ITPR3: variants seen among roughly 807,000 people sequenced by gnomAD.
The protein encoded by ITPR3 is inositol 1,4,5-trisphosphate-gated calcium channel ITPR3.
Under a neutral mutation model 293.2 loss-of-function variants are expected in ITPR3, and 173 were observed. That is an observed-to-expected ratio of 0.59 (90% CI 0.52 to 0.67). The LOEUF is 0.67. Among genes scored for constraint, ITPR3 ranks in the 30% least tolerant of loss-of-function variants. The pLI is 0.00. For missense variants in ITPR3, 2,796 were observed against 3,592.1 expected, an observed-to-expected ratio of 0.78 and a Z score of 5.66; for synonymous variants, 1,295 against 1,444.4, an observed-to-expected ratio of 0.90 and a Z score of 2.35.
Position 33,671,163 on chromosome 6 carries a change from A to G in ITPR3, c.2587-2A>G, listed in dbSNP as rs763357230. On this transcript the variant is annotated splice_acceptor_variant, in intron 20 of 57. Transcript: ENST00000605930. LOFTEE classifies it high-confidence loss of function. ...CTCACCTCGGCCACGCCCCCTTCGCAGGTGGTCAGCCTGGCGCACAATCTC... is the reference window on the plus strand; with the variant it reads ...CTCACCTCGGCCACGCCCCCTTCGCGGGTGGTCAGCCTGGCGCACAATCTC... 7 of 1,612,550 alleles carry G rather than the reference A, an allele frequency of 4.3e-6. No individual in the cohort carries two copies. Among genetic ancestry groups the G allele is most frequent in the South Asian group, 2.2e-5 (2 of 91,020 alleles).
At chr6:33,681,430 C>A (rs987301124) in intron 33 of ITPR3, among the ~76,000 whole-genome samples, 15 of 152,184 alleles carry the variant, frequency 9.9e-5, no homozygotes, top group African/African-American at 3.4e-4. Context: ...AGGCAGCCTT[C>A]TGAAGGCCTA....
Position 33,690,776 on chromosome 6 carries a change from G to A in ITPR3, c.7033-141G>A, listed in dbSNP as rs374579608. 593 of 697,952 alleles carry A rather than the reference G, an allele frequency of 8.5e-4. 1 individual carries two copies. In the African/African-American group the frequency reaches 8.7e-3, roughly 10 times the overall value. 43.2% of individuals were successfully genotyped at this position (697,952 alleles called of 1,614,324 possible). On this transcript the variant is annotated intron_variant, in intron 51 of 57. Transcript: ENST00000605930. ...TGACAGGCCCACCCAGCTTGGATAC[G>A]ACTAAGTGCAGACCTCCCTGGAGGA...
At chr6:33,639,356 T>G (rs1763895211) in intron 1 of ITPR3, among the ~76,000 whole-genome samples, 1 of 140,848 alleles carries the variant, frequency 7.1e-6, no homozygotes, top group African/African-American at 2.7e-5. Flanking sequence ...TCCAGTCTGG[T>G]CGACAGAGTG....
Position 33,684,604 on chromosome 6 carries a change from C to T in ITPR3, c.5053C>T (p.Gln1685Ter), listed in dbSNP as rs1164668870. ...CACTCCCATCCTCCCCCAGGGCAAC[C>T]AGCTGCGCAAGATGCTGCTGCAAAA... ...KKTKYGDRGN[Q>*]LRKMLLQNYL... The change falls in exon 38 of 58, where the codon CAG becomes TAG. Residue 1685 changes from glutamine to a stop codon, truncating the protein, a stop_gained. Transcript: ENST00000605930. LOFTEE classifies it high-confidence loss of function. The surrounding 1 kb of genome is among the most constrained non-coding windows in gnomAD (Gnocchi z 4.2). The T allele has an allele frequency of 6.2e-7, 1 of 1,614,008 alleles. No homozygotes were observed. Among genetic ancestry groups the T allele is most frequent in the Non-Finnish European group, 8.5e-7 (1 of 1,180,020 alleles).
Position 33,667,440 on chromosome 6 carries a change from G to GCTCTGGGTTAGATGC in ITPR3, c.1713+150_1713+151insCTCTGGGTTAGATGC. 5 of 1,064,744 alleles carry GCTCTGGGTTAGATGC rather than the reference G, an allele frequency of 4.7e-6. No homozygotes were observed. The highest frequency in any genetic ancestry group is 6.6e-6 in the Non-Finnish European group (5 of 758,132). 66.0% of individuals were successfully genotyped at this position (1,064,744 alleles called of 1,614,324 possible). On this transcript the variant is annotated intron_variant, in intron 15 of 57. Transcript: ENST00000605930. This position sits in a 1 kb window ranked among gnomAD's most constrained non-coding sequence, Gnocchi z 4.4. ...AGCAGGGCCGGGTTCATGGGAATGG[G>GCTCTGGGTTAGATGC]ACCTGGCCCGGTGCTCACAAGGGCC...
chr6:33,638,293 C>T lies in ITPR3; in HGVS notation c.90-2191C>T, dbSNP rs936495214. 1.7e-4 allele frequency among the ~76,000 whole-genome samples: 26 copies of T among 152,192 alleles called. No homozygotes were observed. Among genetic ancestry groups the T allele is most frequent in the Admixed American group, 1.1e-3 (17 of 15,272 alleles). On this transcript the variant is annotated intron_variant, in intron 1 of 57. Transcript: ENST00000605930. The surrounding 1 kb of genome is among the most constrained non-coding windows in gnomAD (Gnocchi z 4.3). ...TGCAGGGATTACAGGCATGAGCCAC[C>T]GCGTCCATCCACATAGGCATGATTG...
Position 33,658,354 on chromosome 6 carries a change from A to G in ITPR3, c.370-316A>G, listed in dbSNP as rs978337851. Among the ~76,000 whole-genome samples, 2 of 150,278 alleles carry G rather than the reference A, an allele frequency of 1.3e-5. No individual in the cohort carries two copies. Among genetic ancestry groups the G allele is most frequent in the Non-Finnish European group, 2.9e-5 (2 of 68,018 alleles). On this transcript the variant is annotated intron_variant, in intron 4 of 57. Coordinates refer to ENST00000605930, the MANE Select transcript of ITPR3 (RefSeq NM_002224.4). The surrounding 1 kb of genome is among the most constrained non-coding windows in gnomAD (Gnocchi z 6.1). ...CGTCCCCTGGCGCCTTGGTTTCCCC[A>G]TCTGTGAAATCAGGCAGTAATAGTA...
At position 33,693,595 on chromosome 6, in the gene ITPR3, A is replaced by G. The variant is rs1427633664; in HGVS notation, c.7675A>G (p.Ile2559Val). ...DNKTVSFEEHIKLEHNMWNYL... is the reference protein window; with the variant it reads ...DNKTVSFEEHVKLEHNMWNYL... ...CAAGACAGTGTCATTTGAGGAACACATCAAGCTGGAGCACAACATGTGGAA... is the reference window on the plus strand; with the variant it reads ...CAAGACAGTGTCATTTGAGGAACACGTCAAGCTGGAGCACAACATGTGGAA... The change falls in exon 56 of 58, where the codon ATC (isoleucine) becomes GTC (valine). Residue 2559 changes from isoleucine (I) to valine (V), a missense_variant. By Grantham distance (29) the Ile-to-Val change is conservative. Coordinates refer to ENST00000605930, the MANE Select transcript of ITPR3 (RefSeq NM_002224.4). The G allele has an allele frequency of 2.5e-6, 4 of 1,614,086 alleles. No individual in the cohort carries two copies. Among genetic ancestry groups the G allele is most frequent in the Non-Finnish European group, 3.4e-6 (4 of 1,180,040 alleles).
chr6:33,685,334 TTC>T, intron 39 of ITPR3, 23 bp from the exon 40 acceptor site: 1 of 1,597,208 alleles, frequency 6.3e-7, no homozygotes, highest in Non-Finnish European at 8.6e-7. Context: ...GCTGAGGTTG[TTC>T]CCTGGCCACT....
rs1763719861 is a variant in ITPR3, at chr6:33,633,054, T to G, written c.90-7430T>G. Among the ~76,000 whole-genome samples, 1 of 152,116 alleles carries G rather than the reference T, an allele frequency of 6.6e-6. No individual in the cohort carries two copies. On this transcript the variant is annotated intron_variant, in intron 1 of 57. Coordinates refer to ENST00000605930, the MANE Select transcript of ITPR3 (RefSeq NM_002224.4). The surrounding 1 kb of genome is among the most constrained non-coding windows in gnomAD (Gnocchi z 5.2). ...AATGAGATACTGGATGTAAAAACGA[T>G]TGATAAACTATAGAGTCGCGCGATG...
chr6:33,682,557 T>G lies in ITPR3; in HGVS notation c.4510T>G (p.Ser1504Ala). ...HQTIVVQLLQ[S>A]TTRLLECPWL... Reference sequence around the variant, plus strand: ...GACGATTGTGGTGCAGCTGCTGCAGTCTACCACACGCCTCCTCGAGTGTCC... The same window carrying G: ...GACGATTGTGGTGCAGCTGCTGCAGGCTACCACACGCCTCCTCGAGTGTCC... Residue 1504 changes from serine to alanine, a missense_variant, in exon 34 of 58, where the codon TCT becomes GCT. Coordinates refer to ENST00000605930, the MANE Select transcript of ITPR3 (RefSeq NM_002224.4). The surrounding 1 kb of genome is among the most constrained non-coding windows in gnomAD (Gnocchi z 5.4). 1 of 1,569,312 alleles carries G rather than the reference T, an allele frequency of 6.4e-7. No individual in the cohort carries two copies. The highest frequency in any genetic ancestry group is 8.7e-7 in the Non-Finnish European group (1 of 1,155,948).
In ITPR3 at chr6:33,667,388, G is replaced by T; in HGVS notation, c.1713+98G>T. The T allele has an allele frequency of 6.9e-7, 1 of 1,454,698 alleles. No individual in the cohort carries two copies. 90.1% of individuals were successfully genotyped at this position (1,454,698 alleles called of 1,614,324 possible). A position where few individuals can be genotyped will look rare whatever the true frequency, so the allele number is the denominator to read the frequency against. ...TGTGCTGTGCCAGGCACTGTTTTGG[G>T]GCCTAGGGTCCAGTAGGGCACCAGA... On this transcript the variant is annotated intron_variant, in intron 15 of 57. Coordinates refer to ENST00000605930, the MANE Select transcript of ITPR3 (RefSeq NM_002224.4). The surrounding 1 kb of genome is among the most constrained non-coding windows in gnomAD (Gnocchi z 4.4).
Position 33,684,941 on chromosome 6 carries a change from C to T in ITPR3, c.5305C>T (p.Gln1769Ter). 1.2e-6 allele frequency: 2 copies of T among 1,608,730 alleles called. No individual in the cohort carries two copies. The highest frequency in any genetic ancestry group is 1.7e-6 in the Non-Finnish European group (2 of 1,176,690). Reference protein sequence around the residue: ...HLLDGGNTEIQKSFHNLMMSD... With the variant: ...HLLDGGNTEI ...GCTGGATGGTGGCAACACAGAGATC[C>T]AGGTGTGGGGGGCCTGGGGCCTGGA... The change falls in exon 39 of 58, where the codon CAG (glutamine) becomes TAG (stop). Residue 1769 changes from glutamine (Q) to a stop codon, truncating the protein, a stop_gained and splice_region_variant. Transcript: ENST00000605930. LOFTEE classifies it high-confidence loss of function. The surrounding 1 kb of genome is among the most constrained non-coding windows in gnomAD (Gnocchi z 4.2).
rs758998756 is a variant in ITPR3 at position 33,685,757 on chromosome 6, C to G, written c.5597C>G (p.Ser1866Cys). 6.2e-6 allele frequency: 10 copies of G among 1,604,832 alleles called. No homozygotes were observed. In the Admixed American group the frequency reaches 1.3e-4, roughly 22 times the overall value. ...GTGCAGAGCAGTGAGATGGGCACAT[C>G]CGTGCTCATCATGCAGCCCATCCTG... ...ERVQSSEMGT[S>C]VLIMQPILRF... The change falls in exon 41 of 58, where the codon TCC (serine) becomes TGC (cysteine). Residue 1866 changes from serine (S) to cysteine (C), a missense_variant. By Grantham distance (112) the Ser-to-Cys change is moderately radical. This residue lies in a region of ITPR3 where 704 missense variants were observed against 797.5 expected (regional missense o/e 0.88). Transcript: ENST00000605930.
Position 33,672,707 on chromosome 6 carries a change from G to A in ITPR3, c.2928+479G>A, listed in dbSNP as rs7739969. ...TGATTCTGAGGTGCACTGAAGTCTA[G>A]TTCAATTCTCCCATTTTACAGATGG... On this transcript the variant is annotated intron_variant, in intron 22 of 57. Transcript: ENST00000605930. This position sits in a 1 kb window ranked among gnomAD's most constrained non-coding sequence, Gnocchi z 5.0. 6.6e-6 allele frequency among the ~76,000 whole-genome samples: 1 copy of A among 152,196 alleles called. No individual in the cohort carries two copies. Among genetic ancestry groups the A allele is most frequent in the Admixed American group, 6.5e-5 (1 of 15,284 alleles).
intron 1 of ITPR3, among the ~76,000 whole-genome samples, chr6:33,635,329 C>T (rs533053366): frequency 3.3e-5 from 5 of 152,234 alleles, no homozygotes; most frequent in African/African-American, 1.2e-4. Flanking sequence ...ATTTGTCTTC[C>T]CAATGAGATT....
chr6:33,627,156 G>C (rs1424871431), intron 1 of ITPR3, among the ~76,000 whole-genome samples: 1 of 152,092 alleles, frequency 6.6e-6, no homozygotes, highest in Non-Finnish European at 1.5e-5. Flanking sequence ...TTAGACTTCT[G>C]TTCTGTACCT....
chr6:33,695,708 C>A lies in ITPR3; in HGVS notation c.7948-4C>A. The stretch of plus-strand genomic sequence containing the variant: ...CAGGCCTGTTGGCATCTGCTTAACC[C>A]TAGATGACGGAGCAGCGGAAACGCA... On this transcript the variant is annotated splice_polypyrimidine_tract_variant and splice_region_variant and intron_variant, in intron 57 of 57. Transcript: ENST00000605930. 3 of 1,614,072 alleles carry A rather than the reference C, an allele frequency of 1.9e-6. No individual in the cohort carries two copies. The highest frequency in any genetic ancestry group is 2.5e-6 in the Non-Finnish European group (3 of 1,179,984).
At chr6:33,673,845 T>A in intron 23 of ITPR3, 125 bp downstream of exon 23, 2 of 1,117,612 alleles carry the variant, frequency 1.8e-6, no homozygotes, top group Non-Finnish European at 2.5e-6. Flanking sequence ...TTCTTTCCAC[T>A]GTCTCATTTA....
Sources: gnomAD v4.1 joint callset for allele counts (sites outside exome capture counted in the v4.1 genomes callset) on GRCh38, gnomAD v4.1.1 for gene constraint, gnomAD v4.1.1 regional missense constraint, Gnocchi (gnomAD v3.1) non-coding constraint, MANE v1.5 for transcripts, NCBI Gene and HGNC (gene_info 2026-07-23, HGNC 2026-07-21) for gene names.